The following HEPH variants were observed in gnomAD, a reference collection of about 807,000 sequenced individuals.
HEPH encodes the protein hephaestin.
Under a neutral mutation model 80.8 loss-of-function variants are expected in HEPH, and 69 were observed. The ratio of observed to expected loss-of-function variants is 0.85; its 90% CI spans 0.70 to 1.04. The LOEUF is 1.04. Ranked by LOEUF, HEPH falls within the 50% of genes least tolerant of loss-of-function variation. The pLI is 0.00. For missense variants in HEPH, 1,115 were observed against 891.3 expected, an observed-to-expected ratio of 1.25 and a Z score of -3.20; for synonymous variants, 431 against 322.8, an observed-to-expected ratio of 1.34 and a Z score of -3.60.
At chrX:66,254,445 G>A (rs1318050669) in intron 15 of HEPH, among the ~76,000 whole-genome samples, 1 of 111,489 alleles carries the variant, frequency 9.0e-6, no homozygotes, top group Non-Finnish European at 1.9e-5. Flanking sequence ...GTTTTTCAAA[G>A]GAGGGAGGTG....
intron 14 of HEPH, 32 bp from the exon 15 acceptor site, chrX:66,208,083 T>G: frequency 9.2e-7 from 1 of 1,091,135 alleles, no homozygotes; most frequent in South Asian, 2.0e-5. Context: ...TTAATGAAAC[T>G]TTATTTATTT....
intron 15 of HEPH, among the ~76,000 whole-genome samples, chrX:66,248,562 A>G (rs1449014493): frequency 1.8e-5 from 2 of 112,381 alleles, no homozygotes; most frequent in Admixed American, 1.9e-4. Context: ...TGAAAAGGTG[A>G]AAGTTTTTGA....
rs1019500512 is a variant in HEPH at position 66,258,050 on chromosome X, A to AT, written c.2897-783dup. Among the ~76,000 whole-genome samples the AT allele has an allele frequency of 1.4e-4, 16 of 111,879 alleles. No homozygotes were observed. In the East Asian group the frequency reaches 2.0e-3, roughly 14 times the overall value. On this transcript the variant is annotated intron_variant, in intron 17 of 20. Transcript: ENST00000343002. ...TATTAATTCCATGAATGTGGCAGGT[A>AT]TTTTTTTAACATTTATTGTAGGCTC...
chrX:66,198,073 G>T (rs768509542), intron 10 of HEPH, among the ~76,000 whole-genome samples, 179 bp downstream of exon 10: 1 of 111,595 alleles, frequency 9.0e-6, no homozygotes, highest in African/African-American at 3.3e-5. Context: ...GTTATTTTTT[G>T]TACTGACAAA....
intron 2 of HEPH, chrX:66,171,169 G>A: frequency 3.2e-6 from 1 of 314,673 alleles, no homozygotes; most frequent in Non-Finnish European, 6.1e-6. Context: ...TTAGAATCAA[G>A]GAATTAATGG....
intron 1 of HEPH, among the ~76,000 whole-genome samples, chrX:66,166,564 A>G (rs17216582): frequency 0.022 from 2,434 of 111,892 alleles, 21 homozygotes; most frequent in Non-Finnish European, 0.03. Context: ...ATATGATAAA[A>G]CCAAATTAAA....
chrX:66,246,051 C>T (rs895471500), intron 15 of HEPH, among the ~76,000 whole-genome samples: 6 of 111,773 alleles, frequency 5.4e-5, no homozygotes, highest in Non-Finnish European at 9.4e-5. Flanking sequence ...CCTGGGGGAA[C>T]ATGGGGTTGT....
intron 4 of HEPH, among the ~76,000 whole-genome samples, chrX:66,176,980 A>G (rs759749290): frequency 9.0e-6 from 1 of 111,586 alleles, no homozygotes; most frequent in East Asian, 2.8e-4. Context: ...ATCTAATTAA[A>G]CTAAAGAGCT....
Position 66,189,760 on chromosome X carries a change from T to C in HEPH, c.885T>C (p.Phe295=). The C allele has an allele frequency of 8.3e-7, 1 of 1,211,393 alleles. No homozygotes were observed. Among genetic ancestry groups the C allele is most frequent in the South Asian group, 1.8e-5 (1 of 56,950 alleles). The part of the protein sequence containing the change: ...CAQKRVAWHL[F]GMGNEIDVHT... The stretch of plus-strand genomic sequence containing the variant: ...AGAAACGTGTGGCCTGGCACTTGTT[T>C]GGCATGGGCAATGAAATTGATGTCC... Residue 295 remains phenylalanine (F), a synonymous_variant, in exon 6 of 21, where the codon TTT becomes TTC. Transcript: ENST00000343002.
intron 12 of HEPH, among the ~76,000 whole-genome samples, chrX:66,201,889 T>A (rs1461645565): frequency 8.9e-6 from 1 of 112,317 alleles, no homozygotes; most frequent in African/African-American, 3.2e-5. Flanking sequence ...TGATAGGATT[T>A]ACTGATGCAA....
At chrX:66,262,190 A>G (rs1156824539) in intron 19 of HEPH, among the ~76,000 whole-genome samples, 3 of 112,368 alleles carry the variant, frequency 2.7e-5, no homozygotes, top group African/African-American at 6.5e-5. Context: ...AGTTGAAAAG[A>G]CAGAGGGAAA....
chrX:66,237,098 T>TG (rs2090393253), intron 15 of HEPH, among the ~76,000 whole-genome samples: 1 of 111,340 alleles, frequency 9.0e-6, no homozygotes, highest in Non-Finnish European at 1.9e-5. Flanking sequence ...GAATTTTTTT[T>TG]TGTGTGTGTT....
chrX:66,192,881 T>A (rs1238324248), intron 7 of HEPH, among the ~76,000 whole-genome samples: 1 of 111,376 alleles, frequency 9.0e-6, no homozygotes, highest in East Asian at 2.8e-4. Flanking sequence ...TGCTGGGTCT[T>A]AAGTCATACC....
At chrX:66,251,201 C>T (rs1023516427) in intron 15 of HEPH, among the ~76,000 whole-genome samples, 2 of 112,200 alleles carry the variant, frequency 1.8e-5, no homozygotes, top group Admixed American at 1.9e-4. Flanking sequence ...ATTCACATTT[C>T]TCTTTGGTGG....
intron 2 of HEPH, 21 bp downstream of exon 2, chrX:66,170,758 T>A: frequency 8.4e-7 from 1 of 1,185,350 alleles, no homozygotes; most frequent in Non-Finnish European, 1.1e-6. Flanking sequence ...TTTCTTGTGG[T>A]ATTTGAGGGG....
At chrX:66,231,663 TAAG>T (rs2090149427) in intron 15 of HEPH, among the ~76,000 whole-genome samples, 1 of 109,623 alleles carries the variant, frequency 9.1e-6, no homozygotes, top group Non-Finnish European at 1.9e-5. Context: ...CTTATCAGCT[TAAG>T]GAGATTTTGG....
intron 15 of HEPH, among the ~76,000 whole-genome samples, chrX:66,217,025 T>C (rs1198186917): frequency 3.6e-5 from 4 of 110,683 alleles, no homozygotes; most frequent in Non-Finnish European, 7.6e-5. Flanking sequence ...CCAAGAAGTT[T>C]GGGATTATGT....
At chrX:66,238,186 G>A (rs749224535) in intron 15 of HEPH, among the ~76,000 whole-genome samples, 4 of 111,280 alleles carry the variant, frequency 3.6e-5, no homozygotes, top group Admixed American at 1.9e-4. Context: ...ATGCAGACTC[G>A]TTAGTGTGGT....
intron 15 of HEPH, among the ~76,000 whole-genome samples, chrX:66,233,664 T>G (rs1332185468): frequency 9.0e-6 from 1 of 110,833 alleles, no homozygotes; most frequent in Non-Finnish European, 1.9e-5. Flanking sequence ...ATGGCTAATC[T>G]GTGCATCTAG....
Sources: gnomAD v4.1 joint callset for allele counts (sites outside exome capture counted in the v4.1 genomes callset) on GRCh38, gnomAD v4.1.1 for gene constraint, MANE v1.5 for transcripts, NCBI Gene and HGNC (gene_info 2026-07-23, HGNC 2026-07-21) for gene names.